Variants in ABCC8 observed in about 807,000 individuals in gnomAD.
ABCC8 encodes the protein ATP-binding cassette sub-family C member 8.
A neutral mutation model predicts 188.0 loss-of-function variants in ABCC8; 137 were observed. The ratio of observed to expected loss-of-function variants is 0.73; its 90% confidence interval spans 0.63 to 0.84. The LOEUF (loss-of-function observed/expected upper bound fraction) is 0.84, where lower values mean the gene tolerates loss of function less well. Among genes scored for constraint, ABCC8 ranks in the 40% least tolerant of loss-of-function variants. The pLI, the probability that ABCC8 is intolerant of heterozygous loss-of-function variation, is 0.00. For missense variants in ABCC8, 1,750 were observed against 2,072.7 expected (o/e 0.84, Z 3.02); for synonymous variants, 797 against 846.5 (o/e 0.94, Z 1.01).
In ABCC8 at chr11:17,404,613, G is replaced by T. The variant is rs1044800524; in HGVS notation, c.3456C>A (p.Ala1152=). ...LSRSTLLCVS[A]LAVISYVTPV... Reference sequence around the variant, plus strand: ...GTGTGACATAGGAGATGACGGCCAGGGCTGAGACACAGAGCAGGGTGGAGC... The same window carrying T: ...GTGTGACATAGGAGATGACGGCCAGTGCTGAGACACAGAGCAGGGTGGAGC... The change falls in exon 28 of 39, where the codon GCC becomes GCA. Residue 1152 remains alanine, a synonymous_variant. Transcript: ENST00000389817. This position sits in a 1 kb window ranked among gnomAD's most constrained non-coding sequence, Gnocchi z 4.7. The T allele has an allele frequency of 2.5e-6, 4 of 1,613,758 alleles. No homozygotes were observed. The highest frequency in any genetic ancestry group is 3.4e-6 in the Non-Finnish European group (4 of 1,179,996).
chr11:17,417,644 C>T (rs1591772778), intron 16 of ABCC8, among the ~76,000 whole-genome samples: 1 of 152,154 alleles, frequency 6.6e-6, no homozygotes, highest in African/African-American at 2.4e-5. Context: ...CTGACATGAA[C>T]ATTTGGGGGA....
Position 17,450,403 on chromosome 11 carries a change from C to CCT in ABCC8, c.1177-1733_1177-1732insAG, listed in dbSNP as rs754531660. 6.9e-4 allele frequency among the ~76,000 whole-genome samples: 31 copies of CCT among 44,828 alleles called. 1 individual carries two copies. The highest frequency in any genetic ancestry group is 2.0e-3 in the African/African-American group (30 of 14,672). 29.4% of individuals were successfully genotyped at this position (44,828 alleles called of 152,430 possible). A position where few individuals can be genotyped will look rare whatever the true frequency, so the allele number is the denominator to read the frequency against. ...TTCCTTTCCTTTCCTTCTTTCTTTC[C>CCT]TTTTTTTTTTTTTCAGAGTCTTGCT... On this transcript the variant is annotated intron_variant, in intron 7 of 38. Transcript: ENST00000389817.
At chr11:17,475,783 A>T (rs866364152) in intron 1 of ABCC8, among the ~76,000 whole-genome samples, 7 of 152,200 alleles carry the variant, frequency 4.6e-5, no homozygotes, top group South Asian at 2.1e-4. Flanking sequence ...ATGAATTTTA[A>T]GATTTGCTTG....
In ABCC8 at chr11:17,393,688, G is replaced by A. The variant is rs757297282; in HGVS notation, c.4608+9C>T. On this transcript the variant is annotated intron_variant, in intron 38 of 38. Transcript: ENST00000389817. ...GTGTCCCTCTGCACCCCATCAATGG[G>A]CCCCTTACCGCGATGGTGACCACAG... 6.2e-7 allele frequency: 1 copy of A among 1,614,190 alleles called. No homozygotes were observed.
Position 17,448,496 on chromosome 11 carries a change from C to T in ABCC8, c.1332+20G>A, listed in dbSNP as rs763453180. ...GTGTGTCCTGCTGCCCCCCTCCCTT[C>T]CCCTCAGCCCATCTAGTACCTGTAC... On this transcript the variant is annotated intron_variant, in intron 8 of 38. Transcript: ENST00000389817. 1.2e-6 allele frequency: 2 copies of T among 1,610,660 alleles called. No homozygotes were observed. The highest frequency in any genetic ancestry group is 3.3e-5 in the Admixed American group (2 of 59,966).
At chr11:17,476,125 G>C (rs888540880) in intron 1 of ABCC8, among the ~76,000 whole-genome samples, 4 of 152,122 alleles carry the variant, frequency 2.6e-5, no homozygotes, top group African/African-American at 4.8e-5. Flanking sequence ...CAGAGATCAC[G>C]GACCACTGCG....
At chr11:17,415,370 T>C in intron 17 of ABCC8, 31 bp from the exon 18 acceptor site, 4 of 1,606,384 alleles carry the variant, frequency 2.5e-6, no homozygotes, top group Non-Finnish European at 2.5e-6. Flanking sequence ...CATACTGAGC[T>C]CTCATGGGAG....
intron 29 of ABCC8, among the ~76,000 whole-genome samples, chr11:17,399,275 C>CAAAAAAAAAAAAAAAAAAAA (rs57138230): frequency 1.7e-5 from 1 of 58,548 alleles, no homozygotes; most frequent in Non-Finnish European, 2.8e-5. Flanking sequence ...GACTCTGCCT[C>CAAAAAAAAAAAAAAAAAAAA]AAAAAAAAAA....
Position 17,435,630 on chromosome 11 carries a change from T to C in ABCC8, c.1631-3386A>G, listed in dbSNP as rs907473160. 5.7e-6 allele frequency: 8 copies of C among 1,395,814 alleles called. No homozygotes were observed. In the African/African-American group the frequency reaches 9.9e-5, roughly 17 times the overall value. 86.5% of individuals were successfully genotyped at this position (1,395,814 alleles called of 1,614,324 possible). A position where few individuals can be genotyped will look rare whatever the true frequency, so the allele number is the denominator to read the frequency against. On this transcript the variant is annotated intron_variant, in intron 10 of 38. Transcript: ENST00000389817. Reference sequence around the variant, plus strand: ...AGTGAGAAACAGAAAGATGGGTGAATGTAATAATGTGTAGGAAGATGATGC... The same window carrying C: ...AGTGAGAAACAGAAAGATGGGTGAACGTAATAATGTGTAGGAAGATGATGC...
At position 17,463,441 on chromosome 11, in the gene ABCC8, C is replaced by T. The variant is rs2133686785; in HGVS notation, c.576G>A (p.Val192=). 6.2e-7 allele frequency: 1 copy of T among 1,603,442 alleles called. No individual in the cohort carries two copies. Among genetic ancestry groups the T allele is most frequent in the Non-Finnish European group, 8.5e-7 (1 of 1,175,266 alleles). Residue 192 remains valine, a synonymous_variant, in exon 4 of 39, where the codon GTG becomes GTA. Coordinates refer to ENST00000389817, the MANE Select transcript of ABCC8 (RefSeq NM_000352.6). ...LLLVEVNVIR[V]RRYIFFKTPR... The stretch of plus-strand genomic sequence containing the variant: ...CTGGCCCAGGTGGCCTGCTTACCCT[C>T]ACCCTGATGACATTGACCTCCACGA...
chr11:17,470,498 T>A (rs1848422583), intron 2 of ABCC8, among the ~76,000 whole-genome samples: 1 of 152,178 alleles, frequency 6.6e-6, no homozygotes. Flanking sequence ...GGGGCCTGTA[T>A]GCCACAACTC....
At chr11:17,474,842 C>G (rs2133728032) in intron 2 of ABCC8, 44 bp downstream of exon 2, 1 of 1,602,292 alleles carries the variant, frequency 6.2e-7, no homozygotes, top group African/African-American at 1.3e-5. Flanking sequence ...CAGGAAGTAC[C>G]CTGGAGCAGA....
rs587783171 is a variant in ABCC8 at position 17,395,876 on chromosome 11, A to C, written c.4174T>G (p.Phe1392Val). The change falls in exon 34 of 39, where the codon TTC becomes GTC. Residue 1392 changes from phenylalanine to valine, a missense_variant. Coordinates refer to ENST00000389817, the MANE Select transcript of ABCC8 (RefSeq NM_000352.6). ...CCTTCGAACGTGTCCACCATGCGGAAGAAGGCAAGAGAGAAGGAGGACTTC... is the reference window on the plus strand; with the variant it reads ...CCTTCGAACGTGTCCACCATGCGGACGAAGGCAAGAGAGAAGGAGGACTTC... The part of the protein sequence containing the change: ...SGKSSFSLAF[F>V]RMVDTFEGHI... 1.3e-6 allele frequency: 2 copies of C among 1,589,768 alleles called. No homozygotes were observed. The highest frequency in any genetic ancestry group is 1.7e-6 in the Non-Finnish European group (2 of 1,167,308).
chr11:17,440,695 G>A (rs1469927489), intron 10 of ABCC8, among the ~76,000 whole-genome samples: 1 of 152,264 alleles, frequency 6.6e-6, no homozygotes, highest in East Asian at 1.9e-4. Flanking sequence ...AGACGGCCCA[G>A]CCACTGATGA....
intron 17 of ABCC8, among the ~76,000 whole-genome samples, chr11:17,415,993 T>G (rs1409879555): frequency 6.6e-6 from 1 of 152,210 alleles, no homozygotes; most frequent in African/African-American, 2.4e-5. Context: ...CATCCACATA[T>G]GCAAACTTGT....
At chr11:17,432,584 CT>C (rs1166825268) in intron 10 of ABCC8, among the ~76,000 whole-genome samples, 1 of 152,218 alleles carries the variant, frequency 6.6e-6, no homozygotes, top group Non-Finnish European at 1.5e-5. Flanking sequence ...GCACGTGTTT[CT>C]GGGGGCACAA....
chr11:17,445,966 C>CT (rs66845960), intron 8 of ABCC8, among the ~76,000 whole-genome samples: 52,213 of 134,256 alleles, frequency 0.39, 10,332 homozygotes, highest in Middle Eastern at 0.5. Flanking sequence ...AACCTGATTT[C>CT]TTTTTTTTTT....
chr11:17,450,314 CTT>C lies in ABCC8; in HGVS notation c.1177-1645_1177-1644del, dbSNP rs1278208271. 1.4e-4 allele frequency among the ~76,000 whole-genome samples: 17 copies of C among 121,632 alleles called. No homozygotes were observed. The East Asian group carries it at 2.0e-3, about 14-fold the overall frequency. 79.8% of individuals were successfully genotyped at this position (121,632 alleles called of 152,430 possible). ...TCTTTCTTTCTTTCTTTCTTTCTTT[CTT>C]TCTTTCTTTCTCTCTCTCTCTTTCC... On this transcript the variant is annotated intron_variant, in intron 7 of 38. Transcript: ENST00000389817.
chr11:17,413,135 G>A lies in ABCC8; in HGVS notation c.2475+259C>T, dbSNP rs150392826. On this transcript the variant is annotated intron_variant, in intron 20 of 38. Transcript: ENST00000389817. ...CCCAGGCTGAGCACAGTGCTGTGTG[G>A]GCTCTCAGTGTATACCTGGGGTGCA... Among the ~76,000 whole-genome samples, 870 of 152,250 alleles carry A rather than the reference G, an allele frequency of 5.7e-3. 8 individuals are homozygous for A. The highest frequency in any genetic ancestry group is 0.028 in the Admixed American group (426 of 15,300).
Sources: allele counts gnomAD v4.1 joint callset (sites outside exome capture counted in the v4.1 genomes callset), GRCh38; gene constraint gnomAD v4.1.1; non-coding constraint Gnocchi (gnomAD v3.1); transcripts MANE v1.5; gene names NCBI Gene and HGNC (gene_info 2026-07-23, HGNC 2026-07-21).